The following FBXO4 variants were observed in gnomAD, a reference collection of about 807,000 sequenced individuals.
FBXO4 encodes the protein F-box protein 4.
A neutral mutation model predicts 43.7 loss-of-function variants in FBXO4; 36 were observed. The ratio of observed to expected loss-of-function variants is 0.82; its 90% CI spans 0.63 to 1.09. The LOEUF is 1.09. Among genes scored for constraint, FBXO4 ranks in the 50% least tolerant of loss-of-function variants. FBXO4 has a pLI of 0.00. For missense variants in FBXO4, 435 were observed against 474.1 expected (o/e 0.92, Z 0.77); for synonymous variants, 180 against 165.6 (o/e 1.09, Z -0.67).
the FBXO4 span, among the ~76,000 whole-genome samples, chr5:41,996,404 T>C: frequency 2.0e-5 from 3 of 152,192 alleles, no homozygotes; most frequent in South Asian, 2.1e-4. Flanking sequence ...CTGCAAAAGA[T>C]GGCAGGGCCT....
chr5:41,999,728 T>C, the FBXO4 span, among the ~76,000 whole-genome samples: 142 of 151,340 alleles, frequency 9.4e-4, no homozygotes, highest in African/African-American at 3.3e-3. Context: ...GGAAGAAAGA[T>C]GTAGGCTGGG....
downstream of FBXO4, among the ~76,000 whole-genome samples, chr5:41,942,282 A>C (rs902136042): frequency 6.6e-6 from 1 of 152,078 alleles, no homozygotes; most frequent in Admixed American, 6.5e-5. Flanking sequence ...CACATTTGTC[A>C]GAATGTTTAC....
chr5:42,025,823 G>C, the FBXO4 span, among the ~76,000 whole-genome samples: 1 of 151,768 alleles, frequency 6.6e-6, no homozygotes, highest in South Asian at 2.1e-4. Flanking sequence ...ATTTGTTCTT[G>C]GCATCTGGGT....
At chr5:41,999,557 ATATATG>A in the FBXO4 span, among the ~76,000 whole-genome samples, 3 of 136,322 alleles carry the variant, frequency 2.2e-5, no homozygotes, top group African/African-American at 8.4e-5. Context: ...ATATATATAT[ATATATG>A]TATATATATA....
intron 3 of FBXO4, among the ~76,000 whole-genome samples, chr5:41,932,192 A>G (rs950457655): frequency 6.6e-6 from 1 of 152,224 alleles, no homozygotes; most frequent in Non-Finnish European, 1.5e-5. Context: ...TTTATGGCTC[A>G]CACTCAGCAA....
the FBXO4 span, among the ~76,000 whole-genome samples, chr5:41,961,514 C>A: frequency 3.3e-5 from 5 of 152,256 alleles, no homozygotes; most frequent in South Asian, 1.0e-3. Flanking sequence ...ACCCCTGCTC[C>A]CCTGTCAGTA....
the FBXO4 span, among the ~76,000 whole-genome samples, chr5:42,017,275 G>GA: frequency 6.6e-6 from 1 of 151,756 alleles, no homozygotes; most frequent in South Asian, 2.1e-4. Flanking sequence ...CAAATTCTAA[G>GA]AAAAAAGTCA....
the FBXO4 span, among the ~76,000 whole-genome samples, chr5:42,017,914 T>C: frequency 6.6e-6 from 1 of 152,026 alleles, no homozygotes; most frequent in Admixed American, 6.6e-5. Context: ...TGTGAGTGCA[T>C]GTGTCTTTTT....
the FBXO4 span, among the ~76,000 whole-genome samples, chr5:41,964,800 T>A: frequency 6.6e-6 from 1 of 152,074 alleles, no homozygotes; most frequent in Non-Finnish European, 1.5e-5. Flanking sequence ...GTCAGATGAG[T>A]AGATTGCAAA....
chr5:42,005,681 T>C, the FBXO4 span, among the ~76,000 whole-genome samples: 3 of 152,276 alleles, frequency 2.0e-5, no homozygotes, highest in African/African-American at 7.2e-5. Flanking sequence ...TCCTCCATGC[T>C]TTATTCCAGC....
intron 3 of FBXO4, among the ~76,000 whole-genome samples, chr5:41,930,539 G>A (rs528907992): frequency 7.2e-5 from 11 of 152,156 alleles, no homozygotes; most frequent in Non-Finnish European, 1.5e-4. Context: ...GAAAGGTAAC[G>A]GTCAAAGAAG....
At chr5:41,981,767 A>G in the FBXO4 span, among the ~76,000 whole-genome samples, 1 of 142,932 alleles carries the variant, frequency 7.0e-6, no homozygotes, top group Admixed American at 7.0e-5. Flanking sequence ...TTTTTATTGT[A>G]CTTCAAGTTC....
the FBXO4 span, among the ~76,000 whole-genome samples, chr5:41,972,871 A>G: frequency 1.3e-5 from 2 of 152,088 alleles, no homozygotes; most frequent in African/African-American, 4.8e-5. Flanking sequence ...CTAGCCATAA[A>G]TAGAAGATGA....
At chr5:41,940,150 C>G (rs1381421249) in intron 6 of FBXO4, among the ~76,000 whole-genome samples, 1 of 151,676 alleles carries the variant, frequency 6.6e-6, no homozygotes. Context: ...CATGCTCAGC[C>G]AGGTTGTTTT....
chr5:42,004,942 C>CATTG, the FBXO4 span, among the ~76,000 whole-genome samples: 1 of 152,080 alleles, frequency 6.6e-6, no homozygotes, highest in African/African-American at 2.4e-5. Context: ...GGGACGGAGG[C>CATTG]ATTGATTGAT....
At chr5:42,034,186 C>T in the FBXO4 span, among the ~76,000 whole-genome samples, 1 of 151,742 alleles carries the variant, frequency 6.6e-6, no homozygotes, top group Non-Finnish European at 1.5e-5. Context: ...CTGTTCATAT[C>T]CTTTGCCTGC....
At chr5:41,961,720 G>T in the FBXO4 span, among the ~76,000 whole-genome samples, 5 of 152,166 alleles carry the variant, frequency 3.3e-5, no homozygotes, top group Non-Finnish European at 7.4e-5. Flanking sequence ...GCTCAATATG[G>T]CTTATGGGCA....
At chr5:41,981,947 T>G in the FBXO4 span, among the ~76,000 whole-genome samples, 400 of 144,448 alleles carry the variant, frequency 2.8e-3, 2 homozygotes, top group African/African-American at 8.5e-3. Flanking sequence ...CCCCTTCCTG[T>G]GCCCAAGTGT....
chr5:41,934,266 G>A lies in FBXO4; in HGVS notation c.856G>A (p.Val286Ile), dbSNP rs1267943289. The A allele has an allele frequency of 6.2e-7, 1 of 1,614,018 alleles. No individual in the cohort carries two copies. Among genetic ancestry groups the A allele is most frequent in the Non-Finnish European group, 8.5e-7 (1 of 1,180,008 alleles). ...ACAGATTCAAAAAGTGTGTGAAGTT[G>A]TAGATGGGTTCATCTATGTTGCAAA... ...IPQIQKVCEV[V>I]DGFIYVANAE... The change falls in exon 5 of 7, where the codon GTA becomes ATA. Residue 286 changes from valine to isoleucine, a missense_variant. Transcript: ENST00000281623.
Sources: gnomAD v4.1 joint callset for allele counts (sites outside exome capture counted in the v4.1 genomes callset) on GRCh38, gnomAD v4.1.1 for gene constraint, MANE v1.5 for transcripts, NCBI Gene and HGNC (gene_info 2026-07-23, HGNC 2026-07-21) for gene names.